KATNAL2: variants seen among roughly 807,000 people sequenced by gnomAD.
KATNAL2 encodes the protein katanin p60 ATPase-containing subunit A-like 2.
Under a neutral mutation model 76.3 loss-of-function variants are expected in KATNAL2, and 52 were observed. The observed-to-expected ratio is 0.68, with a 90% CI of 0.55 to 0.86. The LOEUF is 0.86. Ranked by LOEUF, KATNAL2 falls within the 40% of genes least tolerant of loss-of-function variation. The pLI is 0.00. For synonymous variants in KATNAL2, 243 were observed against 244.2 expected, an observed-to-expected ratio of 1.00 and a Z score of 0.05; for missense variants, 660 against 668.9, an observed-to-expected ratio of 0.99 and a Z score of 0.15.
intron 1 of KATNAL2, among the ~76,000 whole-genome samples, chr18:46,938,774 G>T (rs570918277): frequency 1.3e-5 from 2 of 151,982 alleles, no homozygotes; most frequent in Admixed American, 6.6e-5. Context: ...ATCACATTCC[G>T]CAGTCCCTTG....
intron 8 of KATNAL2, among the ~76,000 whole-genome samples, chr18:47,061,161 T>C (rs1366019389): frequency 6.6e-6 from 1 of 152,292 alleles, no homozygotes; most frequent in East Asian, 1.9e-4. Context: ...CTGTCATTTC[T>C]ATGTTAGTAC....
At chr18:47,057,785 A>G (rs1473729890) in intron 6 of KATNAL2, among the ~76,000 whole-genome samples, 3 of 152,218 alleles carry the variant, frequency 2.0e-5, no homozygotes, top group Non-Finnish European at 4.4e-5. Flanking sequence ...AGGACACTGG[A>G]TTAAAACCAT....
Position 46,944,511 on chromosome 18 carries a change from G to C in KATNAL2, c.-509-1546G>C, listed in dbSNP as rs143702131. Among the ~76,000 whole-genome samples, 458 of 152,188 alleles carry C rather than the reference G, an allele frequency of 3.0e-3. 2 individuals carry two copies. The highest frequency in any genetic ancestry group is 0.01 in the African/African-American group (431 of 41,512). ...TTTGGGAGGCCAAGGGGTGGGGGTG[G>C]ATCACTTGAGGTCAGGAGTTCGAGA... is the stretch of plus-strand genomic sequence containing the variant. On this transcript the variant is annotated intron_variant, in intron 1 of 17. Coordinates refer to ENST00000683218, the MANE Select transcript of KATNAL2 (RefSeq NM_001387690.1).
intron 3 of KATNAL2, among the ~76,000 whole-genome samples, chr18:47,044,193 T>C (rs2061071362): frequency 1.3e-5 from 2 of 151,732 alleles, no homozygotes; most frequent in South Asian, 4.2e-4. Context: ...ACACTAATGA[T>C]AGCTGATGAG....
rs758129248 is a variant in KATNAL2, at chr18:47,046,507, G to A, written c.102G>A (p.Ser34=). 7.6e-5 allele frequency: 116 copies of A among 1,535,324 alleles called. No individual in the cohort carries two copies. The highest frequency in any genetic ancestry group is 3.9e-4 in the South Asian group (33 of 84,034). ...GAAAAAATCTTCTCATTTTGATTTC[G>A]CATTATTTAACACAAGAAGGGTATG... is the stretch of plus-strand genomic sequence containing the variant. ...ARRKNLLILI[S]HYLTQEGYID... The change falls in exon 4 of 18, where the codon TCG becomes TCA. Residue 34 remains serine (S), a synonymous_variant. Transcript: ENST00000683218.
Position 47,069,498 on chromosome 18 carries a change from A to G in KATNAL2, c.906A>G (p.Leu302=), listed in dbSNP as rs1159786093. The G allele has an allele frequency of 6.2e-7, 1 of 1,612,168 alleles. No individual in the cohort carries two copies. Among genetic ancestry groups the G allele is most frequent in the South Asian group, 1.1e-5 (1 of 90,892 alleles). The change falls in exon 13 of 18, where the codon TTA becomes TTG. Residue 302 remains leucine (L), a synonymous_variant. Coordinates refer to ENST00000683218, the MANE Select transcript of KATNAL2 (RefSeq NM_001387690.1). ...LYGPPGTGKT[L]LAKAVATECK... Reference sequence around the variant, plus strand: ...TCTCTTTAGGTACAGGAAAGACTTTACTGGCCAAAGCTGTGGCCACTGAAT... The same window carrying G: ...TCTCTTTAGGTACAGGAAAGACTTTGCTGGCCAAAGCTGTGGCCACTGAAT...
intron 3 of KATNAL2, among the ~76,000 whole-genome samples, chr18:46,961,632 T>G (rs550235204): frequency 6.6e-6 from 1 of 152,322 alleles, no homozygotes; most frequent in African/African-American, 2.4e-5. Flanking sequence ...GCCAAACCTA[T>G]ACAGGCATAT....
chr18:46,921,641 G>C (rs931342269), intron 1 of KATNAL2, among the ~76,000 whole-genome samples: 16 of 151,106 alleles, frequency 1.1e-4, no homozygotes, highest in African/African-American at 3.9e-4. Context: ...TAAATTTTTT[G>C]TATCTAAACA....
intron 1 of KATNAL2, among the ~76,000 whole-genome samples, chr18:46,927,686 A>C (rs1451812634): frequency 6.6e-6 from 1 of 152,134 alleles, no homozygotes; most frequent in Non-Finnish European, 1.5e-5. Context: ...GTGTTTTCCA[A>C]CTTGGTTCCA....
chr18:47,074,242 C>T (rs947909002), intron 13 of KATNAL2, among the ~76,000 whole-genome samples: 1 of 152,164 alleles, frequency 6.6e-6, no homozygotes, highest in Non-Finnish European at 1.5e-5. Context: ...AAGGGAGATG[C>T]TGGTGCATGC....
At chr18:46,962,444 G>T (rs1379249877) in intron 3 of KATNAL2, among the ~76,000 whole-genome samples, 1 of 40,184 alleles carries the variant, frequency 2.5e-5, no homozygotes, top group Admixed American at 2.9e-4. Flanking sequence ...AAAGACAAAA[G>T]GGAATCTCAC....
chr18:47,046,356 C>A, intron 3 of KATNAL2, 101 bp from the exon 4 acceptor site: 1 of 760,076 alleles, frequency 1.3e-6, no homozygotes, highest in Non-Finnish European at 2.2e-6. Context: ...TTAAGTCATG[C>A]TGCTTGGCTT....
chr18:47,066,187 GTCAC>G (rs1427699443), intron 10 of KATNAL2, among the ~76,000 whole-genome samples: 1 of 151,760 alleles, frequency 6.6e-6, no homozygotes, highest in African/African-American at 2.4e-5. Context: ...TTTTTCTGTA[GTCAC>G]TCAGAATGAC....
Position 46,953,457 on chromosome 18 carries a change from G to C in KATNAL2, c.51+6534G>C, listed in dbSNP as rs550311416. Among the ~76,000 whole-genome samples the C allele has an allele frequency of 2.6e-5, 4 of 152,156 alleles. No homozygotes were observed. In the South Asian group the frequency reaches 8.3e-4, roughly 32 times the overall value. ...AGGTCGAGACCAGCCTGGGCAACGT[G>C]ATGAAACCCTGTGTCTACTAAAAAT... On this transcript the variant is annotated intron_variant, in intron 3 of 17. Transcript: ENST00000683218.
intron 1 of KATNAL2, among the ~76,000 whole-genome samples, chr18:46,933,532 G>C: frequency 6.6e-6 from 1 of 152,128 alleles, no homozygotes; most frequent in Non-Finnish European, 1.5e-5. Flanking sequence ...CCAGAATGTT[G>C]AATAAACTGG....
intron 15 of KATNAL2, among the ~76,000 whole-genome samples, chr18:47,085,601 C>A (rs771288813): frequency 3.9e-5 from 6 of 152,084 alleles, no homozygotes; most frequent in Non-Finnish European, 8.8e-5. Flanking sequence ...CACGTGAACC[C>A]ACCAACTAGT....
At chr18:46,957,198 G>A (rs1348507092) in intron 3 of KATNAL2, among the ~76,000 whole-genome samples, 2 of 151,334 alleles carry the variant, frequency 1.3e-5, no homozygotes, top group African/African-American at 4.8e-5. Flanking sequence ...GGTGTTTCGG[G>A]GTGAGACTAA....
chr18:47,037,163 TA>T (rs2060807764), intron 3 of KATNAL2, among the ~76,000 whole-genome samples: 1 of 152,224 alleles, frequency 6.6e-6, no homozygotes. Context: ...ATTGCACCCG[TA>T]AAAAGGAAAT....
intron 10 of KATNAL2, among the ~76,000 whole-genome samples, chr18:47,065,639 C>T (rs1339911883): frequency 1.3e-5 from 2 of 151,968 alleles, no homozygotes; most frequent in South Asian, 2.1e-4. Context: ...CAGAGTGAGA[C>T]TCCATCTCAG....
Sources: allele counts gnomAD v4.1 joint callset (sites outside exome capture counted in the v4.1 genomes callset), GRCh38; gene constraint gnomAD v4.1.1; transcripts MANE v1.5; gene names NCBI Gene and HGNC (gene_info 2026-07-23, HGNC 2026-07-21).